HPSE2: variants seen among roughly 807,000 people sequenced by gnomAD.
The protein encoded by HPSE2 is inactive heparanase-2.
A neutral mutation model predicts 60.5 loss-of-function variants in HPSE2; 38 were observed. That is an observed-to-expected ratio of 0.63 (90% CI 0.48 to 0.82). The LOEUF (loss-of-function observed/expected upper bound fraction) is 0.82. Ranked by LOEUF, HPSE2 falls within the 40% of genes least tolerant of loss-of-function variation. The probability of loss-of-function intolerance (pLI) is 0.00; values close to 1 mark genes in which losing one functional copy is unlikely to be tolerated. For synonymous variants in HPSE2, 295 were observed against 293.2 expected (o/e 1.01, Z -0.06); for missense variants, 713 against 740.4 (o/e 0.96, Z 0.43).
At chr10:98,460,255 C>T (rs11189619) in intron 11 of HPSE2, among the ~76,000 whole-genome samples, 80,239 of 152,042 alleles carry the variant, frequency 0.53, 21,524 homozygotes, top group African/African-American at 0.62. Context: ...GATTAGATAA[C>T]TGACATTACC....
chr10:98,559,715 T>G (rs1022618147), intron 9 of HPSE2, among the ~76,000 whole-genome samples: 1 of 152,168 alleles, frequency 6.6e-6, no homozygotes, highest in African/African-American at 2.4e-5. Flanking sequence ...TACCCTCTGA[T>G]GAGAAGTAAA....
chr10:99,090,478 C>T (rs1198587156), intron 3 of HPSE2, among the ~76,000 whole-genome samples: 1 of 151,836 alleles, frequency 6.6e-6, no homozygotes, highest in Non-Finnish European at 1.5e-5. Flanking sequence ...TAAACCATTA[C>T]CAGAATACTT....
At chr10:98,570,916 G>T (rs1283463110) in intron 9 of HPSE2, among the ~76,000 whole-genome samples, 2 of 152,130 alleles carry the variant, frequency 1.3e-5, no homozygotes, top group African/African-American at 2.4e-5. Context: ...CATGTTTAAA[G>T]TTCGTAGTGC....
At chr10:98,952,296 C>G (rs1370670166) in intron 3 of HPSE2, among the ~76,000 whole-genome samples, 1 of 148,510 alleles carries the variant, frequency 6.7e-6, no homozygotes, top group Non-Finnish European at 1.5e-5. Flanking sequence ...GAAGGATTCC[C>G]CGCTCAAAAG....
intron 3 of HPSE2, among the ~76,000 whole-genome samples, chr10:99,019,443 C>T (rs1957213378): frequency 6.6e-6 from 1 of 152,186 alleles, no homozygotes; most frequent in African/African-American, 2.4e-5. Context: ...TATTTCAACA[C>T]ATGAAGAATT....
chr10:98,571,337 TTACTAC>T (rs200881246), intron 9 of HPSE2, among the ~76,000 whole-genome samples: 1 of 151,930 alleles, frequency 6.6e-6, no homozygotes, highest in Admixed American at 6.6e-5. Flanking sequence ...GATTCTATCT[TTACTAC>T]TACTACTACT....
chr10:98,665,836 A>C (rs1565062413), intron 6 of HPSE2, among the ~76,000 whole-genome samples: 1 of 152,220 alleles, frequency 6.6e-6, no homozygotes, highest in Non-Finnish European at 1.5e-5. Context: ...AAAGTCACTC[A>C]AGCACATAGC....
intron 10 of HPSE2, among the ~76,000 whole-genome samples, chr10:98,489,714 A>T (rs1941570864): frequency 6.6e-6 from 1 of 152,228 alleles, no homozygotes; most frequent in African/African-American, 2.4e-5. Context: ...ACTTGGCTAA[A>T]GCTTAGGCAC....
intron 7 of HPSE2, among the ~76,000 whole-genome samples, chr10:98,632,441 G>C (rs545311001): frequency 1.3e-5 from 2 of 152,236 alleles, no homozygotes; most frequent in Non-Finnish European, 2.9e-5. Context: ...GGAAATATTT[G>C]TATCTAAGAA....
At chr10:99,117,213 T>G (rs1338607485) in intron 3 of HPSE2, among the ~76,000 whole-genome samples, 1 of 150,770 alleles carries the variant, frequency 6.6e-6, no homozygotes. Flanking sequence ...AATTAATAAA[T>G]TAAATTAATC....
At chr10:99,300,636 C>T in the HPSE2 span, among the ~76,000 whole-genome samples, 15 of 152,172 alleles carry the variant, frequency 9.9e-5, no homozygotes, top group Admixed American at 8.5e-4. Flanking sequence ...TTTGGGATGC[C>T]TCATGAGAAG....
intron 3 of HPSE2, among the ~76,000 whole-genome samples, chr10:98,978,927 G>A (rs1332246628): frequency 6.6e-6 from 1 of 152,336 alleles, no homozygotes; most frequent in East Asian, 1.9e-4. Context: ...GGACATGCAT[G>A]TTCCCAACTG....
intron 2 of HPSE2, among the ~76,000 whole-genome samples, chr10:99,203,869 C>CGCTCCGCCAGGCCT (rs898532695): frequency 2.0e-5 from 3 of 152,114 alleles, no homozygotes; most frequent in Non-Finnish European, 4.4e-5. Context: ...AAGCCAGGAC[C>CGCTCCGCCAGGCCT]GCTCCACCAG....
intron 3 of HPSE2, among the ~76,000 whole-genome samples, chr10:99,119,888 G>C (rs1317683009): frequency 2.6e-5 from 4 of 152,206 alleles, no homozygotes; most frequent in Non-Finnish European, 5.9e-5. Context: ...TAACTGGCTA[G>C]CCATATGCAG....
the HPSE2 span, among the ~76,000 whole-genome samples, chr10:99,310,414 T>C: frequency 1.3e-5 from 2 of 152,192 alleles, no homozygotes; most frequent in Admixed American, 1.3e-4. Context: ...CATGTTATAC[T>C]TCAAAGAAAA....
At chr10:99,070,306 T>C (rs993616444) in intron 3 of HPSE2, among the ~76,000 whole-genome samples, 1 of 152,124 alleles carries the variant, frequency 6.6e-6, no homozygotes, top group Admixed American at 6.6e-5. Flanking sequence ...GGACAATATA[T>C]TTGAACATAC....
intron 5 of HPSE2, among the ~76,000 whole-genome samples, chr10:98,720,417 C>T (rs1290238515): frequency 6.6e-6 from 1 of 151,956 alleles, no homozygotes; most frequent in Non-Finnish European, 1.5e-5. Context: ...TTAAAACAAC[C>T]ATGCAACATG....
chr10:98,677,804 C>A (rs915889042), intron 6 of HPSE2, among the ~76,000 whole-genome samples: 50 of 152,094 alleles, frequency 3.3e-4, no homozygotes, highest in Non-Finnish European at 2.8e-4. Context: ...TGATGGATTT[C>A]TTTAGCTTTT....
intron 3 of HPSE2, among the ~76,000 whole-genome samples, chr10:99,018,028 TC>T (rs1957181130): frequency 6.6e-6 from 1 of 152,174 alleles, no homozygotes; most frequent in Admixed American, 6.5e-5. Flanking sequence ...CTTAAGAGCT[TC>T]CCTGTCTCTG....
Sources: gnomAD v4.1 joint callset for allele counts (sites outside exome capture counted in the v4.1 genomes callset) on GRCh38, gnomAD v4.1.1 for gene constraint, MANE v1.5 for transcripts, NCBI Gene and HGNC (gene_info 2026-07-23, HGNC 2026-07-21) for gene names.